Variants in CAMK1D observed in about 807,000 individuals in gnomAD.
CAMK1D encodes calcium/calmodulin dependent protein kinase ID.
Under a neutral mutation model 47.7 loss-of-function variants are expected in CAMK1D, and 9 were observed. The observed-to-expected ratio is 0.19, with a 90% CI of 0.11 to 0.33. The LOEUF is 0.33. CAMK1D is among the 10% of genes least tolerant of loss of function. CAMK1D has a pLI of 1.00. For synonymous variants in CAMK1D, 184 were observed against 184.9 expected, an observed-to-expected ratio of 0.99 and a Z score of 0.04; for missense variants, 291 against 488.7, an observed-to-expected ratio of 0.60 and a Z score of 3.81.
At chr10:12,401,235 A>T (rs1564315949) in intron 1 of CAMK1D, among the ~76,000 whole-genome samples, 1 of 37,382 alleles carries the variant, frequency 2.7e-5, no homozygotes, top group African/African-American at 1.1e-4. Context: ...TTATATATAT[A>T]TTTTATATAT....
At chr10:12,514,851 T>G (rs994627659) in intron 1 of CAMK1D, among the ~76,000 whole-genome samples, 2 of 152,084 alleles carry the variant, frequency 1.3e-5, no homozygotes, top group African/African-American at 4.8e-5. Context: ...TTATTGTGTT[T>G]TATTTTATTT....
intron 3 of CAMK1D, among the ~76,000 whole-genome samples, chr10:12,758,354 T>C (rs1836331926): frequency 3.0e-5 from 3 of 99,858 alleles, no homozygotes; most frequent in Non-Finnish European, 4.5e-5. Context: ...AATATATTTT[T>C]ATTAGTCATA....
At chr10:12,594,833 G>A (rs1464690486) in intron 2 of CAMK1D, among the ~76,000 whole-genome samples, 3 of 152,188 alleles carry the variant, frequency 2.0e-5, no homozygotes, top group African/African-American at 7.2e-5. Context: ...TCAAGTCCCA[G>A]GAAGTGGTTG....
At chr10:12,537,361 C>T (rs889680667) in intron 1 of CAMK1D, among the ~76,000 whole-genome samples, 14 of 152,172 alleles carry the variant, frequency 9.2e-5, no homozygotes, top group African/African-American at 1.7e-4. Flanking sequence ...AGTGAACCAC[C>T]GCACCCAGCC....
intron 3 of CAMK1D, among the ~76,000 whole-genome samples, chr10:12,688,087 T>C (rs948874032): frequency 3.9e-5 from 6 of 152,362 alleles, no homozygotes; most frequent in African/African-American, 1.4e-4. Context: ...GAAATATCCA[T>C]TTAATGCAGG....
At chr10:12,666,841 A>C (rs1387233595) in intron 3 of CAMK1D, 31 bp downstream of exon 3, 2 of 1,555,964 alleles carry the variant, frequency 1.3e-6, no homozygotes, top group South Asian at 1.1e-5. Context: ...ATGAGTTTTG[A>C]ACCAACTTGC....
At chr10:12,586,742 A>C (rs1299808155) in intron 2 of CAMK1D, among the ~76,000 whole-genome samples, 1 of 152,182 alleles carries the variant, frequency 6.6e-6, no homozygotes, top group African/African-American at 2.4e-5. Flanking sequence ...GAAAGAAAAA[A>C]AACAACAAAA....
In CAMK1D at chr10:12,535,160, C is replaced by T. The variant is rs191008137; in HGVS notation, c.93-18065C>T. ...ATCGTATGCGCCTGCTTGCTTTTCC[C>T]GTGGGGACTCTGCCTGCTCTCAGTT... On this transcript the variant is annotated intron_variant, in intron 1 of 10. Coordinates refer to ENST00000619168, the MANE Select transcript of CAMK1D (RefSeq NM_153498.4). Among the ~76,000 whole-genome samples the T allele has an allele frequency of 2.6e-4, 39 of 152,258 alleles. 1 individual carries two copies. In the East Asian group the frequency reaches 6.4e-3, roughly 25 times the overall value.
intron 3 of CAMK1D, among the ~76,000 whole-genome samples, chr10:12,694,320 A>ATATT (rs1328534284): frequency 1.6e-5 from 1 of 63,986 alleles, no homozygotes; most frequent in African/African-American, 6.2e-5. Flanking sequence ...TATAAAATAT[A>ATATT]ATATATAAAG....
At chr10:12,688,061 G>C (rs1256532103) in intron 3 of CAMK1D, among the ~76,000 whole-genome samples, 1 of 152,206 alleles carries the variant, frequency 6.6e-6, no homozygotes, top group Non-Finnish European at 1.5e-5. Context: ...CAAAACAGGA[G>C]GGAATTAAGG....
At chr10:12,716,535 C>T (rs1243253935) in intron 3 of CAMK1D, among the ~76,000 whole-genome samples, 1 of 152,092 alleles carries the variant, frequency 6.6e-6, no homozygotes, top group Non-Finnish European at 1.5e-5. Context: ...AATGAAAATG[C>T]ATTTGGTTCA....
At chr10:12,605,337 A>AGTGTGTGTGTGTGTGTGTGT (rs112178502) in intron 2 of CAMK1D, among the ~76,000 whole-genome samples, 22 of 145,214 alleles carry the variant, frequency 1.5e-4, no homozygotes, top group Non-Finnish European at 2.7e-4. Flanking sequence ...AAACCATTCA[A>AGTGTGTGTGTGTGTGTGTGT]GTGTGTGTGT....
intron 1 of CAMK1D, among the ~76,000 whole-genome samples, chr10:12,417,539 G>T (rs563407103): frequency 6.6e-6 from 1 of 152,158 alleles, no homozygotes; most frequent in Non-Finnish European, 1.5e-5. Flanking sequence ...CTGGGGCTCC[G>T]GCTGGGGTGG....
At chr10:12,670,700 AC>A (rs1840588155) in intron 3 of CAMK1D, among the ~76,000 whole-genome samples, 1 of 152,082 alleles carries the variant, frequency 6.6e-6, no homozygotes, top group Non-Finnish European at 1.5e-5. Flanking sequence ...GGCACCTGCC[AC>A]CATGCCCAGC....
rs953068312 is a variant in CAMK1D, at chr10:12,769,559, C to T, written c.439-114C>T. On this transcript the variant is annotated intron_variant, in intron 4 of 10. Transcript: ENST00000619168. The stretch of plus-strand genomic sequence containing the variant: ...CTTTAGTTGATGCATCTACTGTGTC[C>T]AAAGGTCAAGGACGTCCTGACGTTG... 10 of 1,218,820 alleles carry T rather than the reference C, an allele frequency of 8.2e-6. No homozygotes were observed. The Admixed American group carries it at 2.1e-4, about 26-fold the overall frequency. 75.5% of individuals were successfully genotyped at this position (1,218,820 alleles called of 1,614,324 possible).
chr10:12,652,772 C>G (rs887976126), intron 2 of CAMK1D, among the ~76,000 whole-genome samples: 7 of 152,080 alleles, frequency 4.6e-5, no homozygotes, highest in African/African-American at 1.7e-4. Context: ...AAGCTCAGAC[C>G]ACCTTAGCAT....
intron 1 of CAMK1D, among the ~76,000 whole-genome samples, chr10:12,534,314 A>G (rs113388719): frequency 1.3e-5 from 2 of 152,084 alleles, no homozygotes; most frequent in Non-Finnish European, 2.9e-5. Context: ...GGTTCAAGTG[A>G]TTCTCCTGCC....
At chr10:12,607,438 C>T (rs1838495202) in intron 2 of CAMK1D, among the ~76,000 whole-genome samples, 1 of 152,154 alleles carries the variant, frequency 6.6e-6, no homozygotes, top group African/African-American at 2.4e-5. Context: ...TTCAGAAAAC[C>T]ACCTAGGCCG....
chr10:12,605,337 AGTGTGTGTGTGTGT>A (rs112178502), intron 2 of CAMK1D, among the ~76,000 whole-genome samples: 1 of 145,102 alleles, frequency 6.9e-6, no homozygotes, highest in Non-Finnish European at 1.5e-5. Flanking sequence ...AAACCATTCA[AGTGTGTGTGTGTGT>A]GTGTGTGTGT....
Sources: gnomAD v4.1 joint callset for allele counts (sites outside exome capture counted in the v4.1 genomes callset) on GRCh38, gnomAD v4.1.1 for gene constraint, MANE v1.5 for transcripts, NCBI Gene and HGNC (gene_info 2026-07-23, HGNC 2026-07-21) for gene names.